The following CABIN1 variants were observed in gnomAD, a reference collection of about 807,000 sequenced individuals.
The protein encoded by CABIN1 is calcineurin-binding protein cabin-1.
In CABIN1, 133 loss-of-function variants were observed where a neutral mutation model predicts 227.7. The ratio of observed to expected loss-of-function variants is 0.58; its 90% CI spans 0.51 to 0.67. The LOEUF (loss-of-function observed/expected upper bound fraction) is 0.67, where lower values mean the gene tolerates loss of function less well. Ranked by LOEUF, CABIN1 falls within the 30% of genes least tolerant of loss-of-function variation. CABIN1 has a pLI of 0.00. For synonymous variants in CABIN1, 1,086 were observed against 1,155.1 expected (o/e 0.94, Z 1.21); for missense variants, 2,408 against 2,852.5 (o/e 0.84, Z 3.55).
In CABIN1 at chr22:24,076,275, G is replaced by A; in HGVS notation, c.2739G>A (p.Leu913=). 1 of 1,613,828 alleles carries A rather than the reference G, an allele frequency of 6.2e-7. No homozygotes were observed. Among genetic ancestry groups the A allele is most frequent in the Non-Finnish European group, 8.5e-7 (1 of 1,179,704 alleles). Residue 913 remains leucine (L), a synonymous_variant, in exon 19 of 37, where the codon CTG becomes CTA. Transcript: ENST00000263119. ...GCTGCAATTCAGATGGGGCTCTGCT[G>A]CGATTCTATGTAAGTGCTTCCCCTT... ...SWCCNSDGAL[L]RFYVRVLQKE... is the part of the protein sequence containing the mutation.
At chr22:24,128,792 CA>C (rs1318427341) in intron 28 of CABIN1, among the ~76,000 whole-genome samples, 4 of 152,238 alleles carry the variant, frequency 2.6e-5, no homozygotes, top group African/African-American at 9.7e-5. Flanking sequence ...ACCTTCCTGG[CA>C]GCCCTGTGGA....
chr22:24,063,837 A>G (rs1489468785), intron 14 of CABIN1, among the ~76,000 whole-genome samples, 198 bp from the exon 15 acceptor site: 1 of 152,218 alleles, frequency 6.6e-6, no homozygotes, highest in Non-Finnish European at 1.5e-5. Context: ...CAGAGTTGAC[A>G]TGGACTGTTC....
intron 28 of CABIN1, among the ~76,000 whole-genome samples, chr22:24,130,778 G>C (rs566015244): frequency 6.6e-6 from 1 of 152,220 alleles, no homozygotes; most frequent in Non-Finnish European, 1.5e-5. Flanking sequence ...GACACTTTGT[G>C]CCTTAGCATT....
At chr22:24,106,636 G>A (rs957440709) in intron 26 of CABIN1, among the ~76,000 whole-genome samples, 4 of 152,174 alleles carry the variant, frequency 2.6e-5, no homozygotes, top group Admixed American at 1.3e-4. Context: ...CATGCTCTGC[G>A]ATGTTCCTGG....
At chr22:24,101,795 A>G (rs2042215174) in intron 26 of CABIN1, 1 of 152,236 alleles carries the variant, frequency 6.6e-6, no homozygotes, top group African/African-American at 2.4e-5. Flanking sequence ...CTCTTTATAC[A>G]TATTCAAGCA....
chr22:24,054,635 G>A (rs886763618), intron 8 of CABIN1, among the ~76,000 whole-genome samples: 15 of 152,200 alleles, frequency 9.9e-5, no homozygotes, highest in African/African-American at 3.4e-4. Context: ...GCAGTGAGGG[G>A]CAGGTGGATG....
chr22:24,123,162 G>A (rs2147985598), intron 28 of CABIN1, among the ~76,000 whole-genome samples: 1 of 152,292 alleles, frequency 6.6e-6, no homozygotes, highest in African/African-American at 2.4e-5. Context: ...AGCAGGGATG[G>A]AGGCTGCCTT....
In CABIN1 at chr22:24,177,043, C is replaced by G. The variant is rs1488083269; in HGVS notation, c.6206-461C>G. On this transcript the variant is annotated intron_variant, in intron 35 of 36. Coordinates refer to ENST00000263119, the MANE Select transcript of CABIN1 (RefSeq NM_012295.4). The surrounding 1 kb of genome is among the most constrained non-coding windows in gnomAD (Gnocchi z 4.4). Reference sequence around the variant, plus strand: ...TCTGGGCAAACTCAGCCCCTTGCTCCCACTGGAGGATGAGGCGAAAGTGGA... The same window carrying G: ...TCTGGGCAAACTCAGCCCCTTGCTCGCACTGGAGGATGAGGCGAAAGTGGA... 1.3e-5 allele frequency among the ~76,000 whole-genome samples: 2 copies of G among 152,248 alleles called. No individual in the cohort carries two copies. The highest frequency in any genetic ancestry group is 2.9e-5 in the Non-Finnish European group (2 of 68,030).
At chr22:24,078,194 G>A (rs1444331115) in intron 19 of CABIN1, among the ~76,000 whole-genome samples, 1 of 152,060 alleles carries the variant, frequency 6.6e-6, no homozygotes, top group Admixed American at 6.5e-5. Context: ...TCTGTCATGT[G>A]CCCCTCCCCC....
intron 3 of CABIN1, among the ~76,000 whole-genome samples, chr22:24,037,327 G>A (rs1426647660): frequency 3.3e-5 from 5 of 151,348 alleles, no homozygotes; most frequent in African/African-American, 4.8e-5. Flanking sequence ...TTAAGAGATA[G>A]GGTCTCACTC....
intron 32 of CABIN1, among the ~76,000 whole-genome samples, chr22:24,167,909 T>C (rs2046550422): frequency 1.3e-5 from 2 of 152,248 alleles, no homozygotes; most frequent in South Asian, 4.2e-4. Flanking sequence ...CATGGGGCTA[T>C]CACCATCAGG....
Position 24,070,906 on chromosome 22 carries a change from A to G in CABIN1, c.2339A>G (p.Lys780Arg), listed in dbSNP as rs767136678. 1.2e-6 allele frequency: 2 copies of G among 1,614,242 alleles called. No homozygotes were observed. Among genetic ancestry groups the G allele is most frequent in the Non-Finnish European group, 8.5e-7 (1 of 1,180,042 alleles). ...GTGAACTCAGGTGAGGCTGCCGCCA[A>G]GGAGGAGTGGGTGGCCACAGTGACC... ...QMVNSGEAAA[K>R]EEWVATVTQL... is the part of the protein sequence containing the mutation. Residue 780 changes from lysine (K) to arginine (R), a missense_variant, in exon 17 of 37, where the codon AAG becomes AGG. Lys to Arg is a conservative substitution (Grantham distance 26). This residue lies in a region of CABIN1 where 1,045 missense variants were observed against 1,168.4 expected (regional missense o/e 0.89). Coordinates refer to ENST00000263119, the MANE Select transcript of CABIN1 (RefSeq NM_012295.4).
rs140196042 is a variant in CABIN1 at position 24,158,267 on chromosome 22, C to T, written c.4747-6133C>T. On this transcript the variant is annotated intron_variant, in intron 29 of 36. Coordinates refer to ENST00000263119, the MANE Select transcript of CABIN1 (RefSeq NM_012295.4). ...AGAACACTCACCCACTGTGTCAGCT[C>T]AGGCACCCAGGACCTGCTTCCTGGA... Among the ~76,000 whole-genome samples the T allele has an allele frequency of 3.6e-3, 555 of 152,326 alleles. 4 individuals carry two copies. The highest frequency in any genetic ancestry group is 0.012 in the African/African-American group (505 of 41,562).
At chr22:24,150,050 A>G (rs943999399) in intron 29 of CABIN1, among the ~76,000 whole-genome samples, 1 of 152,130 alleles carries the variant, frequency 6.6e-6, no homozygotes, top group Admixed American at 6.5e-5. Flanking sequence ...GGCCTTTGAC[A>G]TGGAAGGCTG....
chr22:24,028,164 A>G (rs1285449397), intron 1 of CABIN1, among the ~76,000 whole-genome samples: 1 of 152,206 alleles, frequency 6.6e-6, no homozygotes, highest in Non-Finnish European at 1.5e-5. Flanking sequence ...GAAATACTTT[A>G]TTGCTAAAAA....
chr22:24,146,580 G>A (rs2045133592), intron 29 of CABIN1, among the ~76,000 whole-genome samples: 1 of 152,210 alleles, frequency 6.6e-6, no homozygotes, highest in Non-Finnish European at 1.5e-5. Flanking sequence ...ACAGAGGAGT[G>A]GCAGGGACAA....
At chr22:24,092,772 G>A (rs1200721702) in intron 24 of CABIN1, among the ~76,000 whole-genome samples, 1 of 150,998 alleles carries the variant, frequency 6.6e-6, no homozygotes, top group African/African-American at 2.4e-5. Context: ...TGAATGTGAA[G>A]GCCCCTAGTG....
intron 26 of CABIN1, among the ~76,000 whole-genome samples, chr22:24,107,177 C>T (rs1267843940): frequency 6.6e-6 from 1 of 152,166 alleles, no homozygotes; most frequent in Non-Finnish European, 1.5e-5. Flanking sequence ...CCTGCCTCTC[C>T]AGCTCTGCCA....
Position 24,178,310 on chromosome 22 carries a change from G to GC in CABIN1, c.*119dup. On this transcript the variant is annotated 3_prime_UTR_variant, in exon 37 of 37. Transcript: ENST00000263119. ...CCACATGGATGCCACTCCCCACACA[G>GC]CCCCCAGGCCTGCCCAGCCCACCTC... 7.4e-7 allele frequency: 1 copy of GC among 1,346,384 alleles called. No homozygotes were observed. The allele number at this position is 1,346,384 out of a possible 1,614,324, so 83.4% of individuals were successfully genotyped here.
Sources: allele counts gnomAD v4.1 joint callset (sites outside exome capture counted in the v4.1 genomes callset), GRCh38; gene constraint gnomAD v4.1.1; regional missense constraint gnomAD v4.1.1; non-coding constraint Gnocchi (gnomAD v3.1); transcripts MANE v1.5; gene names NCBI Gene and HGNC (gene_info 2026-07-23, HGNC 2026-07-21).